Variants in DST observed in about 807,000 individuals in gnomAD.
DST encodes dystonin, also known as bullous pemphigoid antigen.
DST carries 253 observed loss-of-function variants against 875.2 expected under a neutral mutation model. The ratio of observed to expected loss-of-function variants is 0.29; its 90% CI spans 0.26 to 0.32. The LOEUF is 0.32. DST is among the 10% of genes least tolerant of loss of function. DST has a pLI of 1.00. For missense variants in DST, 8,287 were observed against 9,111.6 expected (o/e 0.91, Z 3.68); for synonymous variants, 3,124 against 3,197.1 (o/e 0.98, Z 0.77).
At chr6:56,531,990 C>T (rs2096903640) in intron 64 of DST, among the ~76,000 whole-genome samples, 1 of 152,130 alleles carries the variant, frequency 6.6e-6, no homozygotes, top group Admixed American at 6.5e-5. Flanking sequence ...GGCTATAAAC[C>T]CTCTTAGACT....
chr6:56,946,750 A>T (rs1253445529), intron 2 of DST, among the ~76,000 whole-genome samples: 1 of 152,212 alleles, frequency 6.6e-6, no homozygotes, highest in Non-Finnish European at 1.5e-5. Context: ...ATAAAAAGTC[A>T]CTGGCTGAAG....
intron 3 of DST, among the ~76,000 whole-genome samples, chr6:56,871,039 A>C (rs546358623): frequency 9.0e-4 from 137 of 152,266 alleles, no homozygotes; most frequent in Non-Finnish European, 1.4e-3. Flanking sequence ...ACATACAAAC[A>C]ACCAAAGAAG....
At chr6:56,770,535 T>A (rs1361862199) in intron 4 of DST, among the ~76,000 whole-genome samples, 1 of 152,098 alleles carries the variant, frequency 6.6e-6, no homozygotes, top group African/African-American at 2.4e-5. Context: ...CACATAGAGT[T>A]GGGGGCTCAG....
At position 56,606,505 on chromosome 6, in the gene DST, A is replaced by G; in HGVS notation, c.8123T>C (p.Leu2708Ser). The change falls in exon 40 of 104, where the codon TTA becomes TCA. Residue 2708 changes from leucine (L) to serine (S), a missense_variant. Physicochemically the swap from Leu to Ser is moderately radical, Grantham distance 145 (BLOSUM62 -2). Transcript: ENST00000680361. ...CACCTTATCTGAGCCAACAGGATTTAAATGTATTTTTTCACCAGAATCTAA... is the reference window on the plus strand; with the variant it reads ...CACCTTATCTGAGCCAACAGGATTTGAATGTATTTTTTCACCAGAATCTAA... ...DELDSGEKIHLNPVGSDKVNG... is the reference protein window; with the variant it reads ...DELDSGEKIHSNPVGSDKVNG... The G allele has an allele frequency of 6.2e-7, 1 of 1,613,426 alleles. No individual in the cohort carries two copies. Among genetic ancestry groups the G allele is most frequent in the Non-Finnish European group, 8.5e-7 (1 of 1,179,586 alleles).
chr6:56,705,186 A>G (rs1028441242), intron 5 of DST, among the ~76,000 whole-genome samples: 12 of 152,368 alleles, frequency 7.9e-5, no homozygotes, highest in Admixed American at 2.0e-4. Flanking sequence ...CAAAGCAGGT[A>G]TTAAGATGGC....
chr6:56,951,953 T>TAGC (rs1822558251), intron 2 of DST, among the ~76,000 whole-genome samples: 1 of 152,198 alleles, frequency 6.6e-6, no homozygotes, highest in African/African-American at 2.4e-5. Flanking sequence ...TTTCAGGAAC[T>TAGC]AGCACCCACT....
At chr6:56,827,162 C>G (rs1194571980) in intron 4 of DST, among the ~76,000 whole-genome samples, 1 of 152,146 alleles carries the variant, frequency 6.6e-6, no homozygotes, top group East Asian at 1.9e-4. Flanking sequence ...CTTAAAAATG[C>G]TGTTTAAGTA....
chr6:56,601,294 T>TTA, intron 44 of DST, 149 bp downstream of exon 44: 1 of 583,516 alleles, frequency 1.7e-6, no homozygotes, highest in Non-Finnish European at 3.0e-6. Flanking sequence ...AACAATATTG[T>TTA]TATACACTGT....
chr6:56,607,062 G>A lies in DST; in HGVS notation c.7566C>T (p.His2522=). 1 of 1,613,138 alleles carries A rather than the reference G, an allele frequency of 6.2e-7. No homozygotes were observed. The highest frequency in any genetic ancestry group is 8.5e-7 in the Non-Finnish European group (1 of 1,179,492). The change falls in exon 40 of 104, where the codon CAC becomes CAT. Residue 2522 remains histidine, a synonymous_variant. Coordinates refer to ENST00000680361, the MANE Select transcript of DST (RefSeq NM_001374736.1). ...AAGTATTTGAAATGTATTTATCATT[G>A]TGATATTGTACTTGAGGATTACTAG... is the stretch of plus-strand genomic sequence containing the variant. ...MISSNPQVQY[H]NDKYISNTSG...
At chr6:56,487,804 A>G (rs566301949) in intron 86 of DST, among the ~76,000 whole-genome samples, 9 of 152,332 alleles carry the variant, frequency 5.9e-5, no homozygotes, top group African/African-American at 1.9e-4. Context: ...AATATACAAT[A>G]GCAGGAATGA....
At position 56,494,270 on chromosome 6, in the gene DST, T is replaced by C. The variant is rs1444099040; in HGVS notation, c.20224-90A>G. On this transcript the variant is annotated intron_variant, in intron 82 of 103. Transcript: ENST00000680361. The stretch of plus-strand genomic sequence containing the variant: ...TAGGTCATCAGTCCCAAGCTCCTCA[T>C]CATATATTCATCTCTGTTTGCTCTC... 6 of 1,213,610 alleles carry C rather than the reference T, an allele frequency of 4.9e-6. No individual in the cohort carries two copies. In the African/African-American group the frequency reaches 7.6e-5, roughly 15 times the overall value. The allele number at this position is 1,213,610 out of a possible 1,614,324, so 75.2% of individuals were successfully genotyped here.
At chr6:56,467,410 T>A (rs2094633258) in intron 98 of DST, 2 of 152,212 alleles carry the variant, frequency 1.3e-5, no homozygotes, top group African/African-American at 4.8e-5. Flanking sequence ...CAGGAACTCA[T>A]GTGTTTTTCC....
chr6:56,629,274 T>C lies in DST; in HGVS notation c.4451A>G (p.Asn1484Ser), dbSNP rs762718557. The C allele has an allele frequency of 6.2e-7, 1 of 1,613,714 alleles. No individual in the cohort carries two copies. The highest frequency in any genetic ancestry group is 8.5e-7 in the Non-Finnish European group (1 of 1,179,756). Residue 1484 changes from asparagine to serine, a missense_variant, in exon 32 of 104, where the codon AAT becomes AGT. This residue lies in a region of DST where 3,138 missense variants were observed against 3,116.6 expected (regional missense o/e 1.01). Coordinates refer to ENST00000680361, the MANE Select transcript of DST (RefSeq NM_001374736.1). ...KADQLVERWQ[N>S]VHVQIDNRLR... ...CCTGTTGTCAATCTGCACATGAACA[T>C]TTTGCCACCTTTCAACTAATTGATC...
intron 4 of DST, among the ~76,000 whole-genome samples, chr6:56,777,394 T>C (rs765835496): frequency 6.6e-6 from 1 of 152,038 alleles, no homozygotes; most frequent in African/African-American, 2.4e-5. Context: ...GGCAAGTAGA[T>C]GGTTTCCAAA....
rs553710442 is a variant in DST at position 56,752,433 on chromosome 6, T to C, written c.626-17144A>G. On this transcript the variant is annotated intron_variant, in intron 4 of 103. Transcript: ENST00000680361. ...CCTGTAACCCGCACCCAAAACAAGA[T>C]AAAGAACATTTTCATCCCCCAACAA... Among the ~76,000 whole-genome samples, 3 of 152,208 alleles carry C rather than the reference T, an allele frequency of 2.0e-5. No homozygotes were observed. In the East Asian group the frequency reaches 5.8e-4, roughly 29 times the overall value.
At position 56,628,122 on chromosome 6, in the gene DST, G is replaced by A. The variant is rs1227107949; in HGVS notation, c.4515C>T (p.Tyr1505=). The A allele has an allele frequency of 1.2e-6, 2 of 1,613,736 alleles. No individual in the cohort carries two copies. The highest frequency in any genetic ancestry group is 1.7e-5 in the Admixed American group (1 of 60,006). The change falls in exon 33 of 104, where the codon TAC becomes TAT. Residue 1505 remains tyrosine, a synonymous_variant. Transcript: ENST00000680361. ...CTAAAGGATGGTAAGTGTCTCTGTA[G>A]TACTTCAGTGATTTGCCAATGCCCT... is the stretch of plus-strand genomic sequence containing the variant. ...DLEGIGKSLK[Y]YRDTYHPLDD...
At chr6:56,785,550 C>G (rs1564171386) in intron 4 of DST, among the ~76,000 whole-genome samples, 1 of 152,170 alleles carries the variant, frequency 6.6e-6, no homozygotes, top group East Asian at 1.9e-4. Context: ...GCACCGTTTC[C>G]TAAGCCCATT....
intron 61 of DST, chr6:56,542,529 AGC>A (rs2097147179): frequency 6.6e-6 from 1 of 151,640 alleles, no homozygotes; most frequent in Non-Finnish European, 1.5e-5. Context: ...AGCAACGAAG[AGC>A]TCCGCGGCTT....
chr6:56,584,807 T>A (rs1200355613), intron 49 of DST, among the ~76,000 whole-genome samples: 4 of 152,054 alleles, frequency 2.6e-5, no homozygotes, highest in Non-Finnish European at 5.9e-5. Flanking sequence ...GCATGAAGGG[T>A]TGTTGAATTT....
Sources: gnomAD v4.1 joint callset for allele counts (sites outside exome capture counted in the v4.1 genomes callset) on GRCh38, gnomAD v4.1.1 for gene constraint, gnomAD v4.1.1 regional missense constraint, MANE v1.5 for transcripts, NCBI Gene and HGNC (gene_info 2026-07-23, HGNC 2026-07-21) for gene names.